The following LRMDA variants were observed in gnomAD, a reference collection of about 807,000 sequenced individuals.
LRMDA encodes the protein leucine-rich melanocyte differentiation-associated protein.
LRMDA carries 18 observed loss-of-function variants against 29.8 expected under a neutral mutation model. The observed-to-expected ratio is 0.60, with a 90% CI of 0.42 to 0.90. LRMDA has a LOEUF of 0.90. LRMDA is among the 40% of genes least tolerant of loss of function. LRMDA has a pLI of 0.00. For synonymous variants in LRMDA, 125 were observed against 109.4 expected, an observed-to-expected ratio of 1.14 and a Z score of -0.89; for missense variants, 273 against 273.9, an observed-to-expected ratio of 1.00 and a Z score of 0.02.
chr10:75,988,772 C>A (rs566821528), intron 2 of LRMDA, among the ~76,000 whole-genome samples: 1 of 152,304 alleles, frequency 6.6e-6, no homozygotes, highest in East Asian at 1.9e-4. Context: ...CCCTTGGCCC[C>A]TGACCTCTGC....
chr10:76,357,838 C>G (rs1028375053), intron 6 of LRMDA, among the ~76,000 whole-genome samples: 1 of 152,114 alleles, frequency 6.6e-6, no homozygotes. Context: ...TTCTTTCTTC[C>G]GTCTGTAAAC....
chr10:75,608,659 A>G (rs1352592046), intron 2 of LRMDA, among the ~76,000 whole-genome samples: 1 of 152,046 alleles, frequency 6.6e-6, no homozygotes, highest in East Asian at 1.9e-4. Flanking sequence ...ATACAAGGCC[A>G]CAAGTTTATT....
intron 2 of LRMDA, among the ~76,000 whole-genome samples, chr10:75,894,802 G>C (rs1436821515): frequency 2.0e-5 from 3 of 152,144 alleles, no homozygotes; most frequent in Non-Finnish European, 4.4e-5. Context: ...GCAATGAAGA[G>C]GAGAAAACCA....
At chr10:75,569,427 G>A (rs960793866) in intron 2 of LRMDA, among the ~76,000 whole-genome samples, 2 of 152,054 alleles carry the variant, frequency 1.3e-5, no homozygotes, top group African/African-American at 4.8e-5. Context: ...CCATTTAATT[G>A]TGTTTAGCTT....
At chr10:76,279,512 A>C (rs1252063003) in intron 5 of LRMDA, among the ~76,000 whole-genome samples, 1 of 151,966 alleles carries the variant, frequency 6.6e-6, no homozygotes, top group Non-Finnish European at 1.5e-5. Flanking sequence ...AGACGGGCTA[A>C]GGATTAAAAA....
chr10:76,486,719 C>A (rs1589212020), intron 6 of LRMDA, among the ~76,000 whole-genome samples: 1 of 151,824 alleles, frequency 6.6e-6, no homozygotes, highest in African/African-American at 2.4e-5. Flanking sequence ...TGGATACCAC[C>A]TCCCCACTCT....
chr10:75,470,856 C>T (rs1844717472), intron 2 of LRMDA, among the ~76,000 whole-genome samples: 1 of 152,226 alleles, frequency 6.6e-6, no homozygotes, highest in South Asian at 2.1e-4. Flanking sequence ...GCACTGGTGA[C>T]TTAGGCCAGC....
intron 2 of LRMDA, among the ~76,000 whole-genome samples, chr10:75,881,260 T>G (rs1845288763): frequency 6.6e-6 from 1 of 152,158 alleles, no homozygotes; most frequent in Admixed American, 6.5e-5. Context: ...GCTGCTGCCC[T>G]CCTGGAGCTC....
intron 6 of LRMDA, among the ~76,000 whole-genome samples, chr10:76,507,879 G>A (rs140660361): frequency 2.0e-5 from 3 of 152,200 alleles, no homozygotes; most frequent in African/African-American, 7.2e-5. Flanking sequence ...CCAGTACCAT[G>A]TAACTCTGGT....
intron 2 of LRMDA, among the ~76,000 whole-genome samples, chr10:75,634,751 A>G (rs1841369881): frequency 6.6e-6 from 1 of 152,244 alleles, no homozygotes; most frequent in Non-Finnish European, 1.5e-5. Context: ...TATTAAATCA[A>G]TTAGAGTTAT....
chr10:76,493,596 A>G (rs928023849), intron 6 of LRMDA, among the ~76,000 whole-genome samples: 1 of 152,116 alleles, frequency 6.6e-6, no homozygotes, highest in African/African-American at 2.4e-5. Flanking sequence ...TCATTAACCT[A>G]TATTTCTATC....
chr10:76,238,315 T>A (rs1852199234), intron 5 of LRMDA, among the ~76,000 whole-genome samples: 1 of 152,136 alleles, frequency 6.6e-6, no homozygotes, highest in Non-Finnish European at 1.5e-5. Flanking sequence ...GTCCTCTATT[T>A]ACTTATTAGG....
At chr10:75,432,603 T>G (rs976283965) in intron 1 of LRMDA, among the ~76,000 whole-genome samples, 7 of 152,344 alleles carry the variant, frequency 4.6e-5, no homozygotes, top group Admixed American at 6.5e-5. Context: ...CACCTTTCCC[T>G]GCACACCCTG....
At chr10:75,607,421 A>G (rs1385426926) in intron 2 of LRMDA, among the ~76,000 whole-genome samples, 1 of 152,222 alleles carries the variant, frequency 6.6e-6, no homozygotes, top group Non-Finnish European at 1.5e-5. Context: ...GCTACTACAG[A>G]TGGGAAGCCA....
chr10:75,800,948 A>G (rs1323020514), intron 2 of LRMDA, among the ~76,000 whole-genome samples: 3 of 152,230 alleles, frequency 2.0e-5, no homozygotes, highest in Admixed American at 1.3e-4. Context: ...ACACTTTGTT[A>G]GGGAAGCTCT....
intron 5 of LRMDA, among the ~76,000 whole-genome samples, chr10:76,067,560 G>A (rs190680817): frequency 2.3e-4 from 35 of 152,240 alleles, no homozygotes; most frequent in Admixed American, 1.4e-3. Context: ...AACATTACCC[G>A]GGGTTCTGTG....
At chr10:76,382,480 AG>A (rs1347760100) in intron 6 of LRMDA, among the ~76,000 whole-genome samples, 1 of 151,948 alleles carries the variant, frequency 6.6e-6, no homozygotes, top group Non-Finnish European at 1.5e-5. Flanking sequence ...ACCTGCTGAA[AG>A]GGAATGTAGA....
chr10:75,532,056 GAAAAAAAA>G (rs60697116), intron 2 of LRMDA, among the ~76,000 whole-genome samples: 5 of 95,386 alleles, frequency 5.2e-5, no homozygotes, highest in African/African-American at 1.2e-4. Flanking sequence ...AAGAAAGAAA[GAAAAAAAA>G]AAAAAAAAAA....
intron 6 of LRMDA, among the ~76,000 whole-genome samples, chr10:76,465,391 C>T (rs926148179): frequency 6.6e-6 from 1 of 152,200 alleles, no homozygotes; most frequent in Non-Finnish European, 1.5e-5. Context: ...GGAGCAGCCT[C>T]CTGCTCCACT....
Sources: gnomAD v4.1 joint callset for allele counts (sites outside exome capture counted in the v4.1 genomes callset) on GRCh38, gnomAD v4.1.1 for gene constraint, MANE v1.5 for transcripts, NCBI Gene and HGNC (gene_info 2026-07-23, HGNC 2026-07-21) for gene names.